The following FBXO32 variants were observed in gnomAD, a reference collection of about 807,000 sequenced individuals.
FBXO32 encodes the protein F-box only protein 32.
FBXO32 carries 15 observed loss-of-function variants against 48.3 expected under a neutral mutation model. The ratio of observed to expected loss-of-function variants is 0.31; its 90% CI spans 0.21 to 0.48. The LOEUF (loss-of-function observed/expected upper bound fraction) is 0.48. Among genes scored for constraint, FBXO32 ranks in the 20% least tolerant of loss-of-function variants. The probability of loss-of-function intolerance (pLI) is 0.99; values close to 1 mark genes in which losing one functional copy is unlikely to be tolerated. For synonymous variants in FBXO32, 154 were observed against 165.9 expected (o/e 0.93, Z 0.55); for missense variants, 309 against 432.7 (o/e 0.71, Z 2.54).
chr8:123,536,196 G>A (rs4436105), intron 1 of FBXO32, among the ~76,000 whole-genome samples: 51,169 of 151,964 alleles, frequency 0.34, 8,980 homozygotes, highest in Non-Finnish European at 0.37. Context: ...TCATAAGGCC[G>A]TGCTTAATAC....
chr8:123,504,508 G>C, intron 8 of FBXO32, 96 bp downstream of exon 8: 1 of 1,019,058 alleles, frequency 9.8e-7, no homozygotes, highest in South Asian at 1.9e-5. Flanking sequence ...TGATGGGGAA[G>C]AGGCGGAAAG....
chr8:123,522,351 A>T lies in FBXO32; in HGVS notation c.373-8018T>A, dbSNP rs1187795488. Among the ~76,000 whole-genome samples the T allele has an allele frequency of 2.0e-5, 3 of 151,842 alleles. No homozygotes were observed. The East Asian group carries it at 5.8e-4, about 29-fold the overall frequency. ...AGCCTTCTGAGTAGCTGGGACTACA[A>T]GTGCCTGCCACCATGTCCGGCTGAT... On this transcript the variant is annotated intron_variant, in intron 4 of 8. Coordinates refer to ENST00000517956, the MANE Select transcript of FBXO32 (RefSeq NM_058229.4).
Position 123,506,608 on chromosome 8 carries a change from C to G in FBXO32, c.652-34G>C. 2 of 1,541,974 alleles carry G rather than the reference C, an allele frequency of 1.3e-6. No individual in the cohort carries two copies. Among genetic ancestry groups the G allele is most frequent in the Non-Finnish European group, 1.8e-6 (2 of 1,135,978 alleles). ...AGAAGGGTGACAATAGGTGGGGGGG[C>G]CAGAGAGCAGCGATTCACCAGGCCA... On this transcript the variant is annotated intron_variant, in intron 6 of 8. Transcript: ENST00000517956. This position sits in a 1 kb window ranked among gnomAD's most constrained non-coding sequence, Gnocchi z 4.0.
At chr8:123,535,980 C>T (rs1817302979) in intron 1 of FBXO32, among the ~76,000 whole-genome samples, 1 of 152,096 alleles carries the variant, frequency 6.6e-6, no homozygotes, top group Non-Finnish European at 1.5e-5. Flanking sequence ...ATTTCCTTGG[C>T]ATTGTGTAAA....
chr8:123,529,114 T>C (rs1225127302), intron 4 of FBXO32, among the ~76,000 whole-genome samples: 3 of 152,218 alleles, frequency 2.0e-5, no homozygotes, highest in Non-Finnish European at 4.4e-5. Context: ...AGGTCTCTAA[T>C]AGTGATGGGG....
intron 7 of FBXO32, among the ~76,000 whole-genome samples, chr8:123,505,983 G>C (rs2130501178): frequency 1.3e-5 from 2 of 152,258 alleles, no homozygotes; most frequent in Middle Eastern, 6.8e-3. Flanking sequence ...AGAGCTTTGG[G>C]GGTGCCGAGG....
intron 8 of FBXO32, 61 bp downstream of exon 8, chr8:123,504,543 G>T (rs1366755522): frequency 6.5e-7 from 1 of 1,533,798 alleles, no homozygotes. Context: ...ATGCTGGCTG[G>T]CACTCTTGGC....
rs1816777974 is a variant in FBXO32 at position 123,513,493 on chromosome 8, CT to C, written c.467-112del. The stretch of plus-strand genomic sequence containing the variant: ...CACTCATGTTACCCAGGCACTGCCT[CT>C]GGGGATATGGTTTTCTTCCTCACCA... On this transcript the variant is annotated intron_variant, in intron 5 of 8. Coordinates refer to ENST00000517956, the MANE Select transcript of FBXO32 (RefSeq NM_058229.4). The surrounding 1 kb of genome is among the most constrained non-coding windows in gnomAD (Gnocchi z 4.3). The C allele has an allele frequency of 5.4e-6, 5 of 917,678 alleles. No individual in the cohort carries two copies. Among genetic ancestry groups the C allele is most frequent in the Non-Finnish European group, 8.2e-6 (5 of 612,700 alleles). 56.8% of individuals were successfully genotyped at this position (917,678 alleles called of 1,614,324 possible). A position where few individuals can be genotyped will look rare whatever the true frequency, so the allele number is the denominator to read the frequency against.
chr8:123,511,600 C>T (rs576404626), intron 6 of FBXO32, among the ~76,000 whole-genome samples: 17 of 152,092 alleles, frequency 1.1e-4, no homozygotes, highest in African/African-American at 3.6e-4. Flanking sequence ...CTCAGCCTCC[C>T]GAGTAGCTGG....
At position 123,504,766 on chromosome 8, in the gene FBXO32, A is replaced by G; in HGVS notation, c.835-19T>C. 1 of 1,610,318 alleles carries G rather than the reference A, an allele frequency of 6.2e-7. No individual in the cohort carries two copies. ...TGCGGATCTAAAAAATCAAATGAAT[A>G]AAGGAAATGACAGGAGAGTTTGTCA... On this transcript the variant is annotated intron_variant, in intron 7 of 8. Coordinates refer to ENST00000517956, the MANE Select transcript of FBXO32 (RefSeq NM_058229.4).
In FBXO32 at chr8:123,525,240, C is replaced by T. The variant is rs377503399; in HGVS notation, c.372+6658G>A. On this transcript the variant is annotated intron_variant, in intron 4 of 8. Coordinates refer to ENST00000517956, the MANE Select transcript of FBXO32 (RefSeq NM_058229.4). The surrounding 1 kb of genome is among the most constrained non-coding windows in gnomAD (Gnocchi z 4.3). ...CATTCAAATGCACTTAGGGTGGTAA[C>T]GCAGAAAAAAATAAGAATGTGCATC... 6.6e-6 allele frequency among the ~76,000 whole-genome samples: 1 copy of T among 152,142 alleles called. No individual in the cohort carries two copies. The highest frequency in any genetic ancestry group is 2.4e-5 in the African/African-American group (1 of 41,418).
At chr8:123,537,433 TA>T (rs1473460359) in intron 1 of FBXO32, among the ~76,000 whole-genome samples, 1 of 152,006 alleles carries the variant, frequency 6.6e-6, no homozygotes, top group Non-Finnish European at 1.5e-5. Context: ...GGCAACTTTT[TA>T]AAAATGTAGA....
chr8:123,532,554 T>C (rs1297566409), intron 3 of FBXO32, among the ~76,000 whole-genome samples: 1 of 152,146 alleles, frequency 6.6e-6, no homozygotes, highest in Non-Finnish European at 1.5e-5. Flanking sequence ...CTGCTCTGAG[T>C]ATCTGGGTGG....
In FBXO32 at chr8:123,499,221, T is replaced by C. The variant is rs1345478128; in HGVS notation, c.*4152A>G. Reference sequence around the variant, plus strand: ...GTCTAGGGTAGGAGTTTCCATTCTTTGGAAAACCAAAGATGGTTACTCTTC... The same window carrying C: ...GTCTAGGGTAGGAGTTTCCATTCTTCGGAAAACCAAAGATGGTTACTCTTC... On this transcript the variant is annotated 3_prime_UTR_variant, in exon 9 of 9. Transcript: ENST00000517956. 1 of 152,238 alleles carries C rather than the reference T, an allele frequency of 6.6e-6. No individual in the cohort carries two copies. Among genetic ancestry groups the C allele is most frequent in the African/African-American group, 2.4e-5 (1 of 41,462 alleles). The allele number at this position is 152,238 out of a possible 1,614,324, so 9.4% of individuals were successfully genotyped here.
In FBXO32 at chr8:123,503,385, C is replaced by T. The variant is rs777236641; in HGVS notation, c.1056G>A (p.Leu352=). 1.2e-6 allele frequency: 2 copies of T among 1,614,132 alleles called. No homozygotes were observed. Among genetic ancestry groups the T allele is most frequent in the East Asian group, 2.2e-5 (1 of 44,882 alleles). ...VSLSPQDFIN[L]FKF is the part of the protein sequence containing the mutation. ...CATGTGCTGGGATTCAGAACTTGAA[C>T]AAGTTGATAAAGTCCTGGGGTGAAA... Residue 352 remains leucine, a synonymous_variant, in exon 9 of 9, where the codon TTG becomes TTA. Coordinates refer to ENST00000517956, the MANE Select transcript of FBXO32 (RefSeq NM_058229.4).
In FBXO32 at chr8:123,514,253, T is replaced by C; in HGVS notation, c.453A>G (p.Lys151=). ...GAGAAGGCTCACCTTTCAGTACCAC[T>C]TTTTCCAAAATATTCATGAAGTTCT... ...AQKNFMNILE[K]VVLKVLEDQQ... is the part of the protein sequence containing the mutation. The change falls in exon 5 of 9, where the codon AAA becomes AAG. Residue 151 remains lysine, a synonymous_variant. Transcript: ENST00000517956. 6.2e-7 allele frequency: 1 copy of C among 1,611,930 alleles called. No homozygotes were observed. Among genetic ancestry groups the C allele is most frequent in the Non-Finnish European group, 8.5e-7 (1 of 1,179,028 alleles).
chr8:123,536,722 C>T (rs1023815208), intron 1 of FBXO32, among the ~76,000 whole-genome samples: 1 of 152,214 alleles, frequency 6.6e-6, no homozygotes, highest in Non-Finnish European at 1.5e-5. Flanking sequence ...ATGAGGTTGT[C>T]TTATTCTCAA....
chr8:123,517,007 T>C (rs925283357), intron 4 of FBXO32, among the ~76,000 whole-genome samples: 5 of 152,098 alleles, frequency 3.3e-5, no homozygotes, highest in African/African-American at 9.7e-5. Context: ...AACCTTTCAT[T>C]TACCTCCCTG....
chr8:123,513,452 G>C lies in FBXO32; in HGVS notation c.467-70C>G. On this transcript the variant is annotated intron_variant, in intron 5 of 8. Transcript: ENST00000517956. The surrounding 1 kb of genome is among the most constrained non-coding windows in gnomAD (Gnocchi z 4.3). ...CACCCTGTATTTTACACATGAGCTT[G>C]TCTCTGTCTGTATTCCACTCATGTT... 7.7e-7 allele frequency: 1 copy of C among 1,298,272 alleles called. No individual in the cohort carries two copies. The highest frequency in any genetic ancestry group is 1.1e-6 in the Non-Finnish European group (1 of 929,452). 80.4% of individuals were successfully genotyped at this position (1,298,272 alleles called of 1,614,324 possible).
Sources: allele counts gnomAD v4.1 joint callset (sites outside exome capture counted in the v4.1 genomes callset), GRCh38; gene constraint gnomAD v4.1.1; non-coding constraint Gnocchi (gnomAD v3.1); transcripts MANE v1.5; gene names NCBI Gene and HGNC (gene_info 2026-07-23, HGNC 2026-07-21).